Variants in DAGLB observed in about 807,000 individuals in gnomAD.
The protein encoded by DAGLB is diacylglycerol lipase-beta.
DAGLB carries 66 observed loss-of-function variants against 72.1 expected under a neutral mutation model. That is an observed-to-expected ratio of 0.92 (90% CI 0.75 to 1.12). DAGLB has a LOEUF of 1.12. Ranked by LOEUF, DAGLB falls within the 50% of genes most tolerant of loss-of-function variation. The pLI is 0.00. For synonymous variants in DAGLB, 414 were observed against 359.5 expected, an observed-to-expected ratio of 1.15 and a Z score of -1.71; for missense variants, 1,065 against 884.9, an observed-to-expected ratio of 1.20 and a Z score of -2.58.
chr7:6,412,960 G>C lies in DAGLB; in HGVS notation c.1496+6C>G. 1.2e-6 allele frequency: 2 copies of C among 1,613,892 alleles called. No homozygotes were observed. The highest frequency in any genetic ancestry group is 1.1e-5 in the South Asian group (1 of 91,050). Reference sequence around the variant, plus strand: ...CAGCCCTGGGCACAGCACCAGGTGGGCTTACCTGGGAATCACATCCTTCCC... The same window carrying C: ...CAGCCCTGGGCACAGCACCAGGTGGCCTTACCTGGGAATCACATCCTTCCC... On this transcript the variant is annotated splice_donor_region_variant and intron_variant, in intron 12 of 14. Coordinates refer to ENST00000297056, the MANE Select transcript of DAGLB (RefSeq NM_139179.4).
rs905700872 is a variant in DAGLB at position 6,430,799 on chromosome 7, T to TA, written c.802-193dup. 5.3e-5 allele frequency among the ~76,000 whole-genome samples: 8 copies of TA among 151,820 alleles called. No homozygotes were observed. The East Asian group carries it at 5.8e-4, about 11-fold the overall frequency. ...TGGACTCCTCATTTTTTTTTTTTTTTAGAGTCTCGCTCTGTCACCAGGCTG... is the reference window on the plus strand; with the variant it reads ...TGGACTCCTCATTTTTTTTTTTTTTTAAGAGTCTCGCTCTGTCACCAGGCTG... On this transcript the variant is annotated intron_variant, in intron 5 of 14. Transcript: ENST00000297056.
intron 2 of DAGLB, among the ~76,000 whole-genome samples, chr7:6,444,857 G>C (rs1784944502): frequency 6.6e-6 from 1 of 152,206 alleles, no homozygotes; most frequent in South Asian, 2.1e-4. Context: ...AGTGAGCCGA[G>C]ATTGCGCCAT....
chr7:6,418,816 C>T (rs952921684), intron 9 of DAGLB, among the ~76,000 whole-genome samples: 6 of 152,150 alleles, frequency 3.9e-5, no homozygotes, highest in African/African-American at 9.6e-5. Flanking sequence ...AGGCGCCCGC[C>T]ACCACGCCCG....
chr7:6,426,993 A>C (rs1342440670), intron 6 of DAGLB, among the ~76,000 whole-genome samples: 1 of 152,184 alleles, frequency 6.6e-6, no homozygotes, highest in Non-Finnish European at 1.5e-5. Flanking sequence ...CTGTAATCCC[A>C]GCTACTCGGG....
chr7:6,418,041 T>C (rs372906184), intron 9 of DAGLB, among the ~76,000 whole-genome samples: 71 of 152,090 alleles, frequency 4.7e-4, no homozygotes, highest in African/African-American at 1.6e-3. Context: ...CAGCTAATTT[T>C]TGTATTTTTA....
chr7:6,420,884 G>C (rs935338480), intron 9 of DAGLB, among the ~76,000 whole-genome samples: 1 of 152,236 alleles, frequency 6.6e-6, no homozygotes, highest in African/African-American at 2.4e-5. Context: ...CATCTGCACA[G>C]AGAATATGTG....
chr7:6,416,696 G>C lies in DAGLB; in HGVS notation c.1358C>G (p.Ala453Gly). 1 of 1,613,718 alleles carries C rather than the reference G, an allele frequency of 6.2e-7. No homozygotes were observed. Among genetic ancestry groups the C allele is most frequent in the East Asian group, 2.2e-5 (1 of 44,884 alleles). The change falls in exon 11 of 15, where the codon GCC becomes GGC. Residue 453 changes from alanine (A) to glycine (G), a missense_variant. Coordinates refer to ENST00000297056, the MANE Select transcript of DAGLB (RefSeq NM_139179.4). ...SLGGGAAALL[A>G]TMLRAAYPQV... ...CGGGTAGGCGGCTCTGAGCATGGTG[G>C]CCAGCAGGGCGGCCGCCCCGCCCCC...
At chr7:6,413,358 CA>C (rs894465461) in intron 11 of DAGLB, among the ~76,000 whole-genome samples, 56 of 152,332 alleles carry the variant, frequency 3.7e-4, no homozygotes, top group African/African-American at 1.2e-3. Context: ...AGGCCGGGTG[CA>C]GTGGCTCACG....
At chr7:6,431,572 G>C (rs1467706389) in intron 5 of DAGLB, among the ~76,000 whole-genome samples, 1 of 152,166 alleles carries the variant, frequency 6.6e-6, no homozygotes, top group East Asian at 1.9e-4. Flanking sequence ...AAGAGTTTGA[G>C]AACAGCCTGG....
chr7:6,432,629 C>T (rs1784519395), intron 5 of DAGLB, among the ~76,000 whole-genome samples: 1 of 141,620 alleles, frequency 7.1e-6, no homozygotes, highest in African/African-American at 2.6e-5. Flanking sequence ...CACTGCACTC[C>T]AGCCTGGGCG....
chr7:6,445,542 A>T (rs1295759274), intron 2 of DAGLB, among the ~76,000 whole-genome samples: 1 of 151,966 alleles, frequency 6.6e-6, no homozygotes, highest in East Asian at 1.9e-4. Context: ...CAGAGTCTCC[A>T]CTCTGTCACT....
chr7:6,443,122 A>G (rs1276754371), intron 2 of DAGLB, among the ~76,000 whole-genome samples: 3 of 150,852 alleles, frequency 2.0e-5, no homozygotes, highest in Non-Finnish European at 4.4e-5. Context: ...GGCGGAGCTT[A>G]CAGTGAGCCG....
chr7:6,421,158 G>C (rs550195301), intron 9 of DAGLB, among the ~76,000 whole-genome samples: 1 of 152,318 alleles, frequency 6.6e-6, no homozygotes, highest in South Asian at 2.1e-4. Context: ...ACAGAGAGAA[G>C]GAAAAGCCAC....
Position 6,447,896 on chromosome 7 carries a change from G to C in DAGLB, c.-54C>G, listed in dbSNP as rs1785063017. On this transcript the variant is annotated 5_prime_UTR_variant, in exon 1 of 15. Transcript: ENST00000297056. ...AGAGACCCCGCGCGCCGTTCACCGA[G>C]AACAAACCAGCACCCTCCGGACGCC... 1.3e-6 allele frequency: 2 copies of C among 1,543,766 alleles called. No individual in the cohort carries two copies. Among genetic ancestry groups the C allele is most frequent in the South Asian group, 1.2e-5 (1 of 85,408 alleles).
In DAGLB at chr7:6,416,441, G is replaced by C. The variant is rs1021395933; in HGVS notation, c.1427+186C>G. 4 of 759,850 alleles carry C rather than the reference G, an allele frequency of 5.3e-6. No homozygotes were observed. The Admixed American group carries it at 1.5e-4, about 28-fold the overall frequency. 47.1% of individuals were successfully genotyped at this position (759,850 alleles called of 1,614,324 possible). On this transcript the variant is annotated intron_variant, in intron 11 of 14. Transcript: ENST00000297056. Reference sequence around the variant, plus strand: ...GTCTGTAGTCCCAGCAACTCGGGAGGCTGAGGCAGAAGAACCGCCTGAACC... The same window carrying C: ...GTCTGTAGTCCCAGCAACTCGGGAGCCTGAGGCAGAAGAACCGCCTGAACC...
rs528931856 is a variant in DAGLB, at chr7:6,441,484, C to T, written c.247+4469G>A. The stretch of plus-strand genomic sequence containing the variant: ...CCAGGCTGGAGTGCAATGGCGCGAT[C>T]TCGGCTCACTGCAACCTCCGCCTCC... On this transcript the variant is annotated intron_variant, in intron 2 of 14. Transcript: ENST00000297056. Among the ~76,000 whole-genome samples the T allele has an allele frequency of 1.4e-3, 210 of 149,374 alleles. 1 individual carries two copies. The highest frequency in any genetic ancestry group is 4.9e-3 in the African/African-American group (197 of 40,494).
In DAGLB at chr7:6,410,185, G is replaced by C. The variant is rs149455276; in HGVS notation, c.1765C>G (p.Pro589Ala). The C allele has an allele frequency of 7.2e-5, 115 of 1,596,182 alleles. 1 individual carries two copies. In the South Asian group the frequency reaches 1.2e-3, roughly 17 times the overall value. ...SPLDSSPKYP[P>A]LYPPGRIIHL... ...ATGATCCTGCCGGGAGGGTAGAGAG[G>C]GGGGTACTTGGGAGAAGAGTCCAGT... is the stretch of plus-strand genomic sequence containing the variant. Residue 589 changes from proline (P) to alanine (A), a missense_variant, in exon 14 of 15, where the codon CCT becomes GCT. Physicochemically the swap from Pro to Ala is conservative, Grantham distance 27. Transcript: ENST00000297056.
rs748972644 is a variant in DAGLB at position 6,434,914 on chromosome 7, G to T, written c.526C>A (p.His176Asn). The change falls in exon 4 of 15, where the codon CAT (histidine) becomes AAT (asparagine). Residue 176 changes from histidine to asparagine, a missense_variant. Coordinates refer to ENST00000297056, the MANE Select transcript of DAGLB (RefSeq NM_139179.4). ...SSAGPSHLDS[H>N]DSSQLLNGLK... ...CCATTAAGTAACTGGCTTGAATCAT[G>T]ACTATCCAGGTGGCTGGGGCCGGCA... is the stretch of plus-strand genomic sequence containing the variant. The T allele has an allele frequency of 1.9e-6, 3 of 1,614,194 alleles. No individual in the cohort carries two copies. The highest frequency in any genetic ancestry group is 2.2e-5 in the South Asian group (2 of 91,078).
intron 4 of DAGLB, 98 bp downstream of exon 4, chr7:6,434,664 G>A: frequency 6.4e-7 from 1 of 1,561,572 alleles, no homozygotes; most frequent in Non-Finnish European, 8.7e-7. Context: ...AAGACACCAG[G>A]TTCTCAAACG....
Sources: allele counts gnomAD v4.1 joint callset (sites outside exome capture counted in the v4.1 genomes callset), GRCh38; gene constraint gnomAD v4.1.1; transcripts MANE v1.5; gene names NCBI Gene and HGNC (gene_info 2026-07-23, HGNC 2026-07-21).